The following NRAP variants were observed in gnomAD, a reference collection of about 807,000 sequenced individuals.
NRAP encodes nebulin-related-anchoring protein.
In NRAP, 189 loss-of-function variants were observed where a neutral mutation model predicts 225.9. The observed-to-expected ratio is 0.84, with a 90% CI of 0.74 to 0.94. The LOEUF (loss-of-function observed/expected upper bound fraction) is 0.94. Ranked by LOEUF, NRAP falls within the 40% of genes least tolerant of loss-of-function variation. The probability of loss-of-function intolerance (pLI) is 0.00; values close to 1 mark genes in which losing one functional copy is unlikely to be tolerated. For missense variants in NRAP, 2,176 were observed against 2,168.7 expected (o/e 1.00, Z -0.07); for synonymous variants, 769 against 790.7 (o/e 0.97, Z 0.46).
intron 14 of NRAP, among the ~76,000 whole-genome samples, chr10:113,638,583 G>A (rs1053908968): frequency 3.9e-5 from 6 of 152,170 alleles, no homozygotes; most frequent in Non-Finnish European, 8.8e-5. Context: ...AACCAGGAAG[G>A]TAAGCTAAAG....
In NRAP at chr10:113,622,010, G is replaced by C; in HGVS notation, c.2628C>G (p.Asp876Glu). ...TGCGGGCATGCACGAGGTGGACCAT[G>C]TCCAGGGAGACGTGGCATTGGGATT... is the stretch of plus-strand genomic sequence containing the variant. ...DTKSQCHVSL[D>E]MVHLVHARKA... The change falls in exon 24 of 42, where the codon GAC becomes GAG. Residue 876 changes from aspartate (D) to glutamate (E), a missense_variant. Coordinates refer to ENST00000359988, the MANE Select transcript of NRAP (RefSeq NM_198060.4). 6.2e-7 allele frequency: 1 copy of C among 1,614,214 alleles called. No individual in the cohort carries two copies. Among genetic ancestry groups the C allele is most frequent in the Non-Finnish European group, 8.5e-7 (1 of 1,180,022 alleles).
chr10:113,641,588 A>T, intron 12 of NRAP, 116 bp from the exon 13 acceptor site: 1 of 651,760 alleles, frequency 1.5e-6, no homozygotes, highest in Non-Finnish European at 2.7e-6. Context: ...TAACCCATTT[A>T]AATAGTCAAC....
intron 11 of NRAP, among the ~76,000 whole-genome samples, chr10:113,644,413 G>A (rs916673837): frequency 1.3e-5 from 2 of 152,198 alleles, no homozygotes; most frequent in Middle Eastern, 3.2e-3. Flanking sequence ...AGGTTTGGCA[G>A]GCTACAAATT....
intron 14 of NRAP, among the ~76,000 whole-genome samples, chr10:113,639,066 C>T (rs559244285): frequency 7.7e-6 from 1 of 130,486 alleles, no homozygotes; most frequent in South Asian, 2.5e-4. Flanking sequence ...CTTTGATCTG[C>T]AAGTTTCCCA....
intron 41 of NRAP, 27 bp from the exon 42 acceptor site, chr10:113,589,106 T>A (rs1435976390): frequency 6.3e-7 from 1 of 1,593,982 alleles, no homozygotes; most frequent in African/African-American, 1.3e-5. Context: ...TACCCCAAGT[T>A]AAAATGAAGC....
intron 3 of NRAP, 139 bp from the exon 4 acceptor site, chr10:113,657,713 T>C: frequency 1.5e-6 from 1 of 650,846 alleles, no homozygotes; most frequent in Non-Finnish European, 2.8e-6. Flanking sequence ...AGGCACACTG[T>C]GCTGTCAGTC....
At chr10:113,640,780 C>A (rs887746197) in intron 13 of NRAP, among the ~76,000 whole-genome samples, 6 of 152,102 alleles carry the variant, frequency 3.9e-5, no homozygotes, top group Non-Finnish European at 8.8e-5. Context: ...CTTTAAGTGT[C>A]CTTTACCTCC....
chr10:113,661,400 G>A (rs1850668682), intron 3 of NRAP, among the ~76,000 whole-genome samples: 1 of 152,084 alleles, frequency 6.6e-6, no homozygotes, highest in South Asian at 2.1e-4. Flanking sequence ...ACACAGCAAG[G>A]TCACTACCTC....
chr10:113,647,100 T>A, intron 9 of NRAP, 73 bp from the exon 10 acceptor site: 2 of 900,736 alleles, frequency 2.2e-6, no homozygotes, highest in South Asian at 1.3e-5. Flanking sequence ...CAATGGTCAC[T>A]CATAGAGCCT....
chr10:113,597,539 G>A (rs1224275443), intron 36 of NRAP, among the ~76,000 whole-genome samples: 2 of 152,092 alleles, frequency 1.3e-5, no homozygotes, highest in African/African-American at 2.4e-5. Context: ...TGTCACCTTC[G>A]AGGGAATTCC....
intron 13 of NRAP, among the ~76,000 whole-genome samples, chr10:113,640,862 A>AT (rs1849162705): frequency 6.6e-6 from 1 of 152,198 alleles, no homozygotes; most frequent in Admixed American, 6.5e-5. Context: ...AATAGAGTAT[A>AT]TGCTACAGGG....
intron 38 of NRAP, among the ~76,000 whole-genome samples, chr10:113,592,702 T>A (rs1846062539): frequency 6.6e-6 from 1 of 152,232 alleles, no homozygotes; most frequent in Non-Finnish European, 1.5e-5. Flanking sequence ...CTGAAAGTGC[T>A]GTTCCTTGGG....
intron 13 of NRAP, 42 bp downstream of exon 13, chr10:113,641,323 G>T (rs1165927540): frequency 1.7e-6 from 2 of 1,200,326 alleles, no homozygotes; most frequent in East Asian, 2.3e-5. Flanking sequence ...TTCATGCCCT[G>T]CCCCACTCCA....
chr10:113,655,896 A>G (rs1850279571), intron 4 of NRAP, among the ~76,000 whole-genome samples: 1 of 152,228 alleles, frequency 6.6e-6, no homozygotes, highest in Non-Finnish European at 1.5e-5. Flanking sequence ...AAAAAAGTAT[A>G]CATTTTAATA....
intron 26 of NRAP, 100 bp downstream of exon 26, chr10:113,617,355 G>T: frequency 1.3e-6 from 1 of 773,476 alleles, no homozygotes. Context: ...TCATCCTTAG[G>T]ACAACAGAAG....
At chr10:113,636,492 G>A (rs186662922) in intron 14 of NRAP, among the ~76,000 whole-genome samples, 1 of 152,274 alleles carries the variant, frequency 6.6e-6, no homozygotes, top group Admixed American at 6.5e-5. Context: ...CACTAGCTGG[G>A]TACAAGTCCA....
Position 113,626,114 on chromosome 10 carries a change from T to C in NRAP, c.2177A>G (p.Lys726Arg), listed in dbSNP as rs781233823. The C allele has an allele frequency of 6.2e-7, 1 of 1,611,636 alleles. No homozygotes were observed. The highest frequency in any genetic ancestry group is 8.5e-7 in the Non-Finnish European group (1 of 1,179,162). ...GGAGCTGTCGGTCACGCTGGTGAAC[T>C]TCAGCTCATCGACCCTCTGCCGGTA... is the stretch of plus-strand genomic sequence containing the variant. ...KNYRQRVDEL[K>R]FTSVTDSSQM... The change falls in exon 21 of 42, where the codon AAG (lysine) becomes AGG (arginine). Residue 726 changes from lysine (K) to arginine (R), a missense_variant. Coordinates refer to ENST00000359988, the MANE Select transcript of NRAP (RefSeq NM_198060.4).
intron 40 of NRAP, 122 bp from the exon 41 acceptor site, chr10:113,589,919 GC>G: frequency 8.8e-7 from 1 of 1,135,024 alleles, no homozygotes; most frequent in Non-Finnish European, 1.2e-6. Flanking sequence ...CATCAGTAAA[GC>G]CAGAACAAGG....
chr10:113,611,067 T>C (rs1592757979), intron 30 of NRAP, among the ~76,000 whole-genome samples: 1 of 152,292 alleles, frequency 6.6e-6, no homozygotes, highest in East Asian at 1.9e-4. Flanking sequence ...TGTACCTGAA[T>C]GATTCGGGCT....
Sources: allele counts gnomAD v4.1 joint callset (sites outside exome capture counted in the v4.1 genomes callset), GRCh38; gene constraint gnomAD v4.1.1; transcripts MANE v1.5; gene names NCBI Gene and HGNC (gene_info 2026-07-23, HGNC 2026-07-21).